The following BMPR1A variants were observed in gnomAD, a reference collection of about 807,000 sequenced individuals.
BMPR1A encodes bone morphogenetic protein receptor type 1A.
In BMPR1A, 7 loss-of-function variants were observed where a neutral mutation model predicts 66.0. That is an observed-to-expected ratio of 0.11 (90% CI 0.06 to 0.20). The LOEUF (loss-of-function observed/expected upper bound fraction) is 0.20, where lower values mean the gene tolerates loss of function less well. BMPR1A is among the 10% of genes least tolerant of loss of function. The pLI, the probability that BMPR1A is intolerant of heterozygous loss-of-function variation, is 1.00. For missense variants in BMPR1A, 408 were observed against 669.1 expected (o/e 0.61, Z 4.31); for synonymous variants, 200 against 229.7 (o/e 0.87, Z 1.17).
chr10:86,900,525 T>G (rs192039209), intron 7 of BMPR1A, among the ~76,000 whole-genome samples: 1 of 150,658 alleles, frequency 6.6e-6, no homozygotes, highest in East Asian at 1.9e-4. Context: ...AAAAGAAGAG[T>G]AATAAGAGAC....
chr10:86,895,697 G>T (rs377622743), intron 5 of BMPR1A, among the ~76,000 whole-genome samples: 2 of 152,076 alleles, frequency 1.3e-5, no homozygotes, highest in Non-Finnish European at 2.9e-5. Context: ...TCATGAATTC[G>T]TGAACTGATT....
intron 1 of BMPR1A, among the ~76,000 whole-genome samples, chr10:86,828,360 C>T (rs1007565539): frequency 1.3e-5 from 2 of 152,208 alleles, no homozygotes; most frequent in East Asian, 1.9e-4. Flanking sequence ...CTGTTATTAG[C>T]AAGTGTGCAT....
intron 1 of BMPR1A, among the ~76,000 whole-genome samples, chr10:86,757,416 A>G (rs375978604): frequency 2.0e-5 from 3 of 151,852 alleles, no homozygotes; most frequent in African/African-American, 7.3e-5. Context: ...GAGCTGCTTC[A>G]CCTGTTGTCC....
At chr10:86,782,617 A>C (rs931131352) in intron 1 of BMPR1A, among the ~76,000 whole-genome samples, 1 of 151,730 alleles carries the variant, frequency 6.6e-6, no homozygotes, top group East Asian at 1.9e-4. Context: ...GTAGCTTTTC[A>C]TATTTTTTTT....
chr10:86,820,426 G>A (rs868290262), intron 1 of BMPR1A, among the ~76,000 whole-genome samples: 1 of 150,172 alleles, frequency 6.7e-6, no homozygotes, highest in African/African-American at 2.5e-5. Flanking sequence ...AAGTCTGTCA[G>A]TTTTTTCTGT....
chr10:86,774,844 T>TA (rs929332816), intron 1 of BMPR1A, among the ~76,000 whole-genome samples: 4 of 152,184 alleles, frequency 2.6e-5, no homozygotes, highest in African/African-American at 9.7e-5. Context: ...CAGTTAATGG[T>TA]AAAAAATATA....
intron 1 of BMPR1A, among the ~76,000 whole-genome samples, chr10:86,833,645 T>C (rs1842304293): frequency 6.6e-6 from 1 of 152,170 alleles, no homozygotes; most frequent in South Asian, 2.1e-4. Context: ...GGCTTTTATA[T>C]TGATCTTATT....
At chr10:86,904,693 A>G (rs1843360278) in intron 7 of BMPR1A, among the ~76,000 whole-genome samples, 1 of 152,206 alleles carries the variant, frequency 6.6e-6, no homozygotes, top group Non-Finnish European at 1.5e-5. Context: ...TGACCCTGGC[A>G]CAAACTAACA....
intron 3 of BMPR1A, among the ~76,000 whole-genome samples, chr10:86,881,229 A>G (rs1217715013): frequency 3.3e-5 from 5 of 152,166 alleles, no homozygotes. Flanking sequence ...GCAGCAGAGC[A>G]AGACTCTGTC....
intron 1 of BMPR1A, among the ~76,000 whole-genome samples, chr10:86,773,002 T>G (rs1198490272): frequency 2.6e-5 from 4 of 152,070 alleles, no homozygotes; most frequent in African/African-American, 9.7e-5. Flanking sequence ...TGCAAATAAG[T>G]TGAGTAAAGC....
intron 1 of BMPR1A, among the ~76,000 whole-genome samples, chr10:86,820,895 AAAG>A (rs150742259): frequency 0.051 from 7,782 of 152,222 alleles, 310 homozygotes; most frequent in Non-Finnish European, 0.077. Context: ...TTATTTTTTT[AAAG>A]AAGGTCATTT....
chr10:86,853,310 C>T (rs1416921371), intron 2 of BMPR1A, among the ~76,000 whole-genome samples: 1 of 148,770 alleles, frequency 6.7e-6, no homozygotes, highest in Non-Finnish European at 1.5e-5. Flanking sequence ...AAAAAAAAAA[C>T]AGGCCTCTTC....
chr10:86,787,855 A>C (rs1841539436), intron 1 of BMPR1A, among the ~76,000 whole-genome samples: 1 of 151,350 alleles, frequency 6.6e-6, no homozygotes, highest in Non-Finnish European at 1.5e-5. Flanking sequence ...AGAACTCACT[A>C]TCATGAGTAC....
intron 1 of BMPR1A, among the ~76,000 whole-genome samples, chr10:86,830,163 C>A (rs1029307172): frequency 2.0e-5 from 3 of 152,168 alleles, no homozygotes; most frequent in Non-Finnish European, 4.4e-5. Context: ...TCTGCCTAAA[C>A]TGACCGTAAC....
chr10:86,917,107 T>G (rs1843581678), intron 8 of BMPR1A, 27 bp from the exon 9 acceptor site: 2 of 1,612,098 alleles, frequency 1.2e-6, no homozygotes, highest in Non-Finnish European at 1.7e-6. Flanking sequence ...CATCAAGAGC[T>G]CAAACCTTTT....
intron 1 of BMPR1A, among the ~76,000 whole-genome samples, chr10:86,760,639 C>A (rs1841037025): frequency 6.6e-6 from 1 of 152,108 alleles, no homozygotes; most frequent in Admixed American, 6.5e-5. Flanking sequence ...GGGAAAGGCT[C>A]CTGTCTAGCC....
chr10:86,789,684 T>A (rs1431716141), intron 1 of BMPR1A, among the ~76,000 whole-genome samples: 1 of 146,082 alleles, frequency 6.8e-6, no homozygotes, highest in Admixed American at 6.9e-5. Context: ...CTGCACTCCA[T>A]CCTGGGTGAC....
At position 86,872,601 on chromosome 10, in the gene BMPR1A, G is replaced by T. The variant is rs183842750; in HGVS notation, c.-152-3266G>T. Reference sequence around the variant, plus strand: ...TACTGGCACATAGAGGTTAATATGTGTTAGCTATTATTTTATATGAGTTCC... The same window carrying T: ...TACTGGCACATAGAGGTTAATATGTTTTAGCTATTATTTTATATGAGTTCC... On this transcript the variant is annotated intron_variant, in intron 2 of 12. Coordinates refer to ENST00000372037, the MANE Select transcript of BMPR1A (RefSeq NM_004329.3). Among the ~76,000 whole-genome samples the T allele has an allele frequency of 3.3e-3, 506 of 151,988 alleles. 3 individuals carry two copies. Among genetic ancestry groups the T allele is most frequent in the African/African-American group, 0.012 (492 of 41,504 alleles).
intron 7 of BMPR1A, among the ~76,000 whole-genome samples, chr10:86,904,184 G>A (rs985727688): frequency 6.6e-6 from 1 of 152,226 alleles, no homozygotes; most frequent in South Asian, 2.1e-4. Context: ...GACTATAGGC[G>A]TGAGCCACTG....
Sources: allele counts gnomAD v4.1 joint callset (sites outside exome capture counted in the v4.1 genomes callset), GRCh38; gene constraint gnomAD v4.1.1; transcripts MANE v1.5; gene names NCBI Gene and HGNC (gene_info 2026-07-23, HGNC 2026-07-21).